Variants in TMEM223 observed in about 807,000 individuals in gnomAD.
The protein encoded by TMEM223 is transmembrane protein 223.
A neutral mutation model predicts 14.1 loss-of-function variants in TMEM223; 14 were observed. The ratio of observed to expected loss-of-function variants is 0.99; its 90% CI spans 0.66 to 1.55. The LOEUF (loss-of-function observed/expected upper bound fraction) is 1.55. Ranked by LOEUF, TMEM223 falls within the 40% of genes most tolerant of loss-of-function variation. The pLI, the probability that TMEM223 is intolerant of heterozygous loss-of-function variation, is 0.00. For synonymous variants in TMEM223, 145 were observed against 120.5 expected (o/e 1.20, Z -1.33); for missense variants, 346 against 269.9 (o/e 1.28, Z -1.97).
In TMEM223 at chr11:62,790,805, A is replaced by T; in HGVS notation, c.427T>A (p.Leu143Met). 6.2e-7 allele frequency: 1 copy of T among 1,606,782 alleles called. No homozygotes were observed. Among genetic ancestry groups the T allele is most frequent in the Non-Finnish European group, 8.5e-7 (1 of 1,176,594 alleles). ...AAAGGAACTGTGAAATGGGCCCCCA[A>T]GCCAAAGGGGGCATGAGTGGTGAGG... is the stretch of plus-strand genomic sequence containing the variant. ...VTLTTHAPFG[L>M]GAHFTVPLKQ... The change falls in exon 2 of 2, where the codon TTG becomes ATG. Residue 143 changes from leucine (L) to methionine (M), a missense_variant. Physicochemically the swap from Leu to Met is conservative, Grantham distance 15. Transcript: ENST00000307366.
At chr11:62,775,650 AGC>A in intron 1 of TMEM223, 1 of 1,101,246 alleles carries the variant, frequency 9.1e-7, no homozygotes, top group Non-Finnish European at 1.3e-6. Flanking sequence ...GGGTACTCAG[AGC>A]TCCTTGTTTA....
chr11:62,786,295 C>G (rs1323529843), downstream of TMEM223: 1 of 1,614,022 alleles, frequency 6.2e-7, no homozygotes, highest in Non-Finnish European at 8.5e-7. Flanking sequence ...ACCTGTCCAC[C>G]TACTGGACAA....
At chr11:62,787,782 C>T, downstream of TMEM223, 3 of 682,280 alleles carry the variant, frequency 4.4e-6, no homozygotes, top group East Asian at 5.5e-5. Flanking sequence ...TAGGTGGAGT[C>T]GGGTTTCGTG....
At chr11:62,779,952 CTATA>C (rs1225374367) in intron 1 of TMEM223, among the ~76,000 whole-genome samples, 1,170 of 100,030 alleles carry the variant, frequency 0.012, 50 homozygotes, top group African/African-American at 0.05. Context: ...AGGCGTGAGC[CTATA>C]TATATATATA....
At chr11:62,787,005 C>T, downstream of TMEM223, 2 of 1,483,704 alleles carry the variant, frequency 1.3e-6, no homozygotes, top group South Asian at 1.3e-5. Flanking sequence ...CCTTGCCGCG[C>T]GTGCATCGGG....
At position 62,775,853 on chromosome 11, in the gene TMEM223, A is replaced by G. The variant is rs373882599; in HGVS notation, c.315-1188T>C. ...GTCTGTCCGGCTCATGGCGGAGAGC[A>G]CGGGCCTGGAGCTGAGCGATGAGGT... is the stretch of plus-strand genomic sequence containing the variant. On this transcript the variant is annotated intron_variant, in intron 1 of 2. Transcript: ENST00000528367. The G allele has an allele frequency of 5.0e-6, 8 of 1,613,636 alleles. No individual in the cohort carries two copies. The African/African-American group carries it at 9.3e-5, about 19-fold the overall frequency.
At chr11:62,774,616 G>A (rs560709182) in exon 2 of TMEM223, 1 of 455,112 alleles carries the variant, frequency 2.2e-6, no homozygotes, top group Non-Finnish European at 4.4e-6. Context: ...GTGCGTTGTT[G>A]GAGTGAGTCA....
downstream of TMEM223, chr11:62,787,954 A>C: frequency 2.1e-6 from 1 of 478,520 alleles, no homozygotes; most frequent in South Asian, 1.5e-5. Context: ...ACAGTGTGTT[A>C]AATGACAAAA....
Position 62,790,044 on chromosome 11 carries a change from C to T in TMEM223, c.*579G>A. 2 of 1,609,278 alleles carry T rather than the reference C, an allele frequency of 1.2e-6. No homozygotes were observed. The highest frequency in any genetic ancestry group is 1.7e-6 in the Non-Finnish European group (2 of 1,177,502). On this transcript the variant is annotated 3_prime_UTR_variant, in exon 2 of 2. Coordinates refer to ENST00000307366, the MANE Select transcript of TMEM223 (RefSeq NM_001080501.3). ...TCGTTGGGTCACGCCTTTCCCATTC[C>T]TGAAGAATAAGCGGAGTGCTTCCTG...
rs371673867 is a variant in TMEM223 at position 62,774,926 on chromosome 11, G to A, written c.315-261C>T. Among the ~76,000 whole-genome samples the A allele has an allele frequency of 1.5e-4, 22 of 151,474 alleles. No homozygotes were observed. The South Asian group carries it at 4.2e-3, about 29-fold the overall frequency. On this transcript the variant is annotated intron_variant, in intron 1 of 2. Transcript: ENST00000528367. ...AAAAAAAAAATTTAGCCATCCGGGC[G>A]TGGTGGCAGGTACCTGTAATCCCAG...
Position 62,790,007 on chromosome 11 carries a change from A to G in TMEM223, c.*616T>C, listed in dbSNP as rs2084340018. 1 of 1,613,964 alleles carries G rather than the reference A, an allele frequency of 6.2e-7. No individual in the cohort carries two copies. The highest frequency in any genetic ancestry group is 8.5e-7 in the Non-Finnish European group (1 of 1,179,928). On this transcript the variant is annotated 3_prime_UTR_variant, in exon 2 of 2. Transcript: ENST00000307366. ...AGGGGTGACCCTGAGTGGAGCTCTG[A>G]GACAGATGCTCTCGTTGGGTCACGC...
intron 1 of TMEM223, chr11:62,781,784 T>A: frequency 1.0e-6 from 1 of 965,836 alleles, no homozygotes; most frequent in Non-Finnish European, 1.6e-6. Context: ...AATATGAACA[T>A]TAAAATTGTA....
chr11:62,775,577 G>T (rs1009358842), intron 1 of TMEM223: 5 of 567,740 alleles, frequency 8.8e-6, no homozygotes, highest in Non-Finnish European at 1.5e-5. Context: ...ACTTTGTCTA[G>T]CTTCACCGTT....
intron 2 of TMEM223, among the ~76,000 whole-genome samples, chr11:62,773,374 C>G (rs1194835770): frequency 3.3e-5 from 5 of 151,950 alleles, no homozygotes; most frequent in African/African-American, 7.3e-5. Context: ...TCTAGAACTC[C>G]TGACCTTGTG....
At chr11:62,782,550 C>T (rs2084238107), downstream of TMEM223, 1 of 1,273,198 alleles carries the variant, frequency 7.9e-7, no homozygotes, top group Non-Finnish European at 1.1e-6. Context: ...AGGTCCTAGG[C>T]CAGTCACCCC....
Position 62,790,486 on chromosome 11 carries a change from G to A in TMEM223, c.*137C>T, listed in dbSNP as rs947652816. ...AGACAAGGTCTCGCTATGTTGCCCA[G>A]CCTGGGCTCGAGCAGTGCTCCTGCC... On this transcript the variant is annotated 3_prime_UTR_variant, in exon 2 of 2. Coordinates refer to ENST00000307366, the MANE Select transcript of TMEM223 (RefSeq NM_001080501.3). 5.4e-6 allele frequency: 4 copies of A among 742,188 alleles called. No individual in the cohort carries two copies. In the South Asian group the frequency reaches 8.1e-5, roughly 15 times the overall value. The allele number at this position is 742,188 out of a possible 1,614,324, so 46.0% of individuals were successfully genotyped here.
chr11:62,782,908 A>T (rs549227730), downstream of TMEM223: 321 of 1,560,972 alleles, frequency 2.1e-4, 1 homozygote, highest in Admixed American at 3.3e-4. Flanking sequence ...GTTATCTCCA[A>T]AATAGTGTGT....
chr11:62,773,671 C>T (rs553557002), intron 2 of TMEM223, among the ~76,000 whole-genome samples: 7 of 152,180 alleles, frequency 4.6e-5, no homozygotes, highest in African/African-American at 7.2e-5. Flanking sequence ...TGGTCTTGAA[C>T]TCCTGACCTC....
chr11:62,776,299 C>T, intron 1 of TMEM223: 1 of 1,401,224 alleles, frequency 7.1e-7, no homozygotes, highest in Non-Finnish European at 1.0e-6. Context: ...TTTGCCTTCT[C>T]TCCAGTCTGG....
Sources: allele counts gnomAD v4.1 joint callset (sites outside exome capture counted in the v4.1 genomes callset), GRCh38; gene constraint gnomAD v4.1.1; transcripts MANE v1.5; gene names NCBI Gene and HGNC (gene_info 2026-07-23, HGNC 2026-07-21).